The following MKI67 variants were observed in gnomAD, a reference collection of about 807,000 sequenced individuals.
The protein encoded by MKI67 is proliferation marker protein Ki-67.
MKI67 carries 152 observed loss-of-function variants against 233.5 expected under a neutral mutation model. The observed-to-expected ratio is 0.65, with a 90% confidence interval of 0.57 to 0.74. The LOEUF is 0.74. MKI67 is among the 30% of genes least tolerant of loss of function. The pLI is 0.00. For missense variants in MKI67, 3,940 were observed against 3,885.2 expected (o/e 1.01, Z -0.37); for synonymous variants, 1,465 against 1,418.5 (o/e 1.03, Z -0.74).
chr10:128,124,217 C>T (rs962836096), intron 2 of MKI67, among the ~76,000 whole-genome samples: 1 of 152,190 alleles, frequency 6.6e-6, no homozygotes, highest in Non-Finnish European at 1.5e-5. Context: ...GCTTCCTTAA[C>T]CCCAATAAAA....
In MKI67 at chr10:128,104,676, G is replaced by T; in HGVS notation, c.7164C>A (p.Asp2388Glu). ...CATCACTTACTGCTGGTTTTGGTGT[G>T]TCCATGGCTTTGCCTGCTGATGGTG... is the stretch of plus-strand genomic sequence containing the variant. ...KRTPSAGKAM[D>E]TPKPAVSDEK... Residue 2388 changes from aspartate (D) to glutamate (E), a missense_variant, in exon 13 of 15, where the codon GAC (aspartate) becomes GAA (glutamate). Asp to Glu is a conservative substitution (Grantham distance 45). Transcript: ENST00000368654. The T allele has an allele frequency of 6.2e-7, 1 of 1,613,994 alleles. No homozygotes were observed. Among genetic ancestry groups the T allele is most frequent in the African/African-American group, 1.3e-5 (1 of 74,960 alleles).
At position 128,112,164 on chromosome 10, in the gene MKI67, T is replaced by C; in HGVS notation, c.1938A>G (p.Arg646=). The change falls in exon 9 of 15, where the codon AGA becomes AGG. Residue 646 remains arginine (R), a synonymous_variant. Transcript: ENST00000368654. Reference sequence around the variant, plus strand: ...GATTTGCTTCCGAAGCACCACTTCTTCTTTTGGAACATATCATCTGTAAAA... The same window carrying C: ...GATTTGCTTCCGAAGCACCACTTCTCCTTTTGGAACATATCATCTGTAAAA... ...HDILQMICSK[R]RSGASEANLI... is the part of the protein sequence containing the mutation. 6.2e-7 allele frequency: 1 copy of C among 1,614,052 alleles called. No homozygotes were observed.
chr10:128,119,106 C>A, intron 5 of MKI67, 147 bp downstream of exon 5: 1 of 647,988 alleles, frequency 1.5e-6, no homozygotes, highest in Non-Finnish European at 2.7e-6. Flanking sequence ...CTAAGTTCAA[C>A]TCGTTTTTAT....
chr10:128,110,459 T>C lies in MKI67; in HGVS notation c.2335A>G (p.Asn779Asp), dbSNP rs1852647014. The change falls in exon 12 of 15, where the codon AAT (asparagine) becomes GAT (aspartate). Residue 779 changes from asparagine to aspartate, a missense_variant. By Grantham distance (23) the Asn-to-Asp change is conservative (BLOSUM62 1). Coordinates refer to ENST00000368654, the MANE Select transcript of MKI67 (RefSeq NM_002417.5). ...TGTTTTCCAAGCAAATTCTCTGAAT[T>C]TGAAATAGCGATGTGACATGTGCTT... is the stretch of plus-strand genomic sequence containing the variant. ...LTSTCHIAIS[N>D]SENLLGKQFQ... 6.3e-7 allele frequency: 1 copy of C among 1,589,996 alleles called. No individual in the cohort carries two copies. Among genetic ancestry groups the C allele is most frequent in the Non-Finnish European group, 8.6e-7 (1 of 1,160,598 alleles).
rs1334403760 is a variant in MKI67 at position 128,102,664 on chromosome 10, A to G, written c.9176T>C (p.Ile3059Thr). The change falls in exon 13 of 15, where the codon ATT becomes ACT. Residue 3059 changes from isoleucine to threonine, a missense_variant. Ile to Thr is a moderately conservative substitution (Grantham distance 89). Transcript: ENST00000368654. ...KRSLRTSAKRIEPAEELNSND... is the reference protein window; with the variant it reads ...KRSLRTSAKRTEPAEELNSND... ...GCTGTTCAGCTCTTCCGCAGGTTCA[A>G]TTCTTTTTGCAGAAGTCCTCAAACT... is the stretch of plus-strand genomic sequence containing the variant. 2.5e-6 allele frequency: 4 copies of G among 1,614,004 alleles called. No homozygotes were observed. The highest frequency in any genetic ancestry group is 3.4e-6 in the Non-Finnish European group (4 of 1,180,036).
intron 7 of MKI67, among the ~76,000 whole-genome samples, chr10:128,114,446 T>A (rs1189590081): frequency 1.1e-4 from 17 of 152,168 alleles, no homozygotes; most frequent in African/African-American, 4.1e-4. Flanking sequence ...ATGGGTACAG[T>A]CCAGTGTTTA....
chr10:128,112,707 C>T (rs1391265788), intron 8 of MKI67, among the ~76,000 whole-genome samples: 1 of 152,172 alleles, frequency 6.6e-6, no homozygotes. Flanking sequence ...GAAAGACAAG[C>T]AGGGTCTGAT....
chr10:128,114,731 A>T (rs759670000), intron 7 of MKI67, among the ~76,000 whole-genome samples, 197 bp downstream of exon 7: 3 of 152,172 alleles, frequency 2.0e-5, no homozygotes, highest in Non-Finnish European at 4.4e-5. Context: ...CTCTTCTGTC[A>T]TTCCTTGTTA....
chr10:128,102,654 C>T lies in MKI67; in HGVS notation c.9186G>A (p.Ala3062=), dbSNP rs201914667. ...LRTSAKRIEP[A]EELNSNDMKT... ...TCATGTCGTTGCTGTTCAGCTCTTC[C>T]GCAGGTTCAATTCTTTTTGCAGAAG... Residue 3062 remains alanine, a synonymous_variant, in exon 13 of 15, where the codon GCG becomes GCA. Transcript: ENST00000368654. The T allele has an allele frequency of 2.0e-5, 33 of 1,614,154 alleles. No homozygotes were observed. The Admixed American group carries it at 2.5e-4, about 12-fold the overall frequency.
chr10:128,112,341 T>C lies in MKI67; in HGVS notation c.1761A>G (p.Lys587=). Residue 587 remains lysine (K), a synonymous_variant, in exon 9 of 15, where the codon AAA becomes AAG. Coordinates refer to ENST00000368654, the MANE Select transcript of MKI67 (RefSeq NM_002417.5). ...VISPPAPSPR[K]TPVASDQRRR... Reference sequence around the variant, plus strand: ...GGCGTTGATCACTGGCAACTGGAGTTTTCCTAGGACTAGGAGCTGGAGGGC... The same window carrying C: ...GGCGTTGATCACTGGCAACTGGAGTCTTCCTAGGACTAGGAGCTGGAGGGC... The C allele has an allele frequency of 6.2e-7, 1 of 1,614,204 alleles. No homozygotes were observed. The highest frequency in any genetic ancestry group is 1.3e-5 in the African/African-American group (1 of 75,044).
At chr10:128,116,082 T>G (rs968042414) in intron 6 of MKI67, 75 bp from the exon 7 acceptor site, 23 of 1,473,602 alleles carry the variant, frequency 1.6e-5, no homozygotes, top group Non-Finnish European at 1.8e-5. Context: ...GAATTCAATA[T>G]TTTAATTGTT....
In MKI67 at chr10:128,106,294, G is replaced by A. The variant is rs751636310; in HGVS notation, c.5546C>T (p.Thr1849Ile). The change falls in exon 13 of 15, where the codon ACT becomes ATT. Residue 1849 changes from threonine (T) to isoleucine (I), a missense_variant. By Grantham distance (89) the Thr-to-Ile change is moderately conservative. Coordinates refer to ENST00000368654, the MANE Select transcript of MKI67 (RefSeq NM_002417.5). ...TATTTTTTTGGTAGTTTTCTCATCA[G>A]TCGTGGGGTTATCAGTGCATGGTGT... The part of the protein sequence containing the change: ...FQTPCTDNPT[T>I]DEKTTKKILC... 1 of 1,613,606 alleles carries A rather than the reference G, an allele frequency of 6.2e-7. No homozygotes were observed.
Position 128,115,910 on chromosome 10 carries a change from A to T in MKI67, c.498T>A (p.Ser166Arg). The change falls in exon 7 of 15, where the codon AGT becomes AGA. Residue 166 changes from serine (S) to arginine (R), a missense_variant. Coordinates refer to ENST00000368654, the MANE Select transcript of MKI67 (RefSeq NM_002417.5). ...CACTGTCTTTTGAGTCATCTGCGGTACTGTCTTCTTTGACATTCTTGATAT... is the reference window on the plus strand; with the variant it reads ...CACTGTCTTTTGAGTCATCTGCGGTTCTGTCTTCTTTGACATTCTTGATAT... ...QVHIKNVKEDSTADDSKDSVA... is the reference protein window; with the variant it reads ...QVHIKNVKEDRTADDSKDSVA... 3 of 1,610,950 alleles carry T rather than the reference A, an allele frequency of 1.9e-6. No homozygotes were observed. The East Asian group carries it at 6.7e-5, about 36-fold the overall frequency.
In MKI67 at chr10:128,107,259, G is replaced by A. The variant is rs61729205; in HGVS notation, c.4581C>T (p.Leu1527=). The A allele has an allele frequency of 2.3e-3, 3,779 of 1,614,092 alleles. 83 individuals carry two copies. The African/African-American group carries it at 0.044, about 19-fold the overall frequency. Reference sequence around the variant, plus strand: ...TGCCTGCTGATGGTGTTCGTTTCCTGAGTGCGAAGAATTCTTCTTCTACGT... The same window carrying A: ...TGCCTGCTGATGGTGTTCGTTTCCTAAGTGCGAAGAATTCTTCTTCTACGT... ...KVDVEEEFFA[L]RKRTPSAGKA... is the part of the protein sequence containing the mutation. Residue 1527 remains leucine, a synonymous_variant, in exon 13 of 15, where the codon CTC becomes CTT. Coordinates refer to ENST00000368654, the MANE Select transcript of MKI67 (RefSeq NM_002417.5).
Position 128,109,164 on chromosome 10 carries a change from C to T in MKI67, c.2676G>A (p.Lys892=). 1 of 1,614,180 alleles carries T rather than the reference C, an allele frequency of 6.2e-7. No homozygotes were observed. The highest frequency in any genetic ancestry group is 1.1e-5 in the South Asian group (1 of 91,086). ...RNIQKLPVES[K]SEETNTEIVE... ...CAATTTCTGTATTTGTTTCTTCACTCTTACTTTCCACAGGTAGCTTCTGTA... is the reference window on the plus strand; with the variant it reads ...CAATTTCTGTATTTGTTTCTTCACTTTTACTTTCCACAGGTAGCTTCTGTA... Residue 892 remains lysine (K), a synonymous_variant, in exon 13 of 15, where the codon AAG becomes AAA. Transcript: ENST00000368654.
chr10:128,112,268 C>G lies in MKI67; in HGVS notation c.1834G>C (p.Glu612Gln). The change falls in exon 9 of 15, where the codon GAG becomes CAG. Residue 612 changes from glutamate to glutamine, a missense_variant. By Grantham distance (29) the Glu-to-Gln change is conservative (BLOSUM62 2). Coordinates refer to ENST00000368654, the MANE Select transcript of MKI67 (RefSeq NM_002417.5). ...TTTCTCCCTCCTCTCTTAGGAACCT[C>G]TGTCTGAGATTTGCTGCTGGAAGCA... ...APASSSKSQTEVPKRGGRKSG... is the reference protein window; with the variant it reads ...APASSSKSQTQVPKRGGRKSG... 6.2e-7 allele frequency: 1 copy of G among 1,614,242 alleles called. No homozygotes were observed. The highest frequency in any genetic ancestry group is 8.5e-7 in the Non-Finnish European group (1 of 1,180,052).
At position 128,097,321 on chromosome 10, in the gene MKI67, T is replaced by C. The variant is rs1852231800; in HGVS notation, c.*1869A>G. ...GAGGGTTGTGTAGAAGTGGTGTTCA[T>C]CTATTAAACACGGGGGTAGCCCTTA... On this transcript the variant is annotated 3_prime_UTR_variant, in exon 15 of 15. Transcript: ENST00000368654. 1 of 152,074 alleles carries C rather than the reference T, an allele frequency of 6.6e-6. No homozygotes were observed. Among genetic ancestry groups the C allele is most frequent in the Non-Finnish European group, 1.5e-5 (1 of 68,012 alleles). The allele number at this position is 152,074 out of a possible 1,614,324, so 9.4% of individuals were successfully genotyped here.
chr10:128,108,704 G>A lies in MKI67; in HGVS notation c.3136C>T (p.Arg1046Trp), dbSNP rs966446581. ...EELLAVGKFT[R>W]TSGETTHTHR... ...GTGTGCGTGGTCTCCCCTGACGTCC[G>A]TGTGAACTTGCCGACTGCTAGGAGC... The change falls in exon 13 of 15, where the codon CGG becomes TGG. Residue 1046 changes from arginine to tryptophan, a missense_variant. Transcript: ENST00000368654. 1.1e-5 allele frequency: 17 copies of A among 1,614,178 alleles called. No homozygotes were observed. Among genetic ancestry groups the A allele is most frequent in the African/African-American group, 5.3e-5 (4 of 75,044 alleles).
In MKI67 at chr10:128,105,535, G is replaced by C. The variant is rs930169290; in HGVS notation, c.6305C>G (p.Ala2102Gly). The change falls in exon 13 of 15, where the codon GCC becomes GGC. Residue 2102 changes from alanine (A) to glycine (G), a missense_variant. Ala to Gly is a moderately conservative substitution (Grantham distance 60). Transcript: ENST00000368654. ...STTDDKTTKIACKSPPPESMD... is the reference protein window; with the variant it reads ...STTDDKTTKIGCKSPPPESMD... ...TGATTCTGGTGGTGGAGATTTGCAG[G>C]CTATTTTGGTAGTTTTGTCATCAGT... is the stretch of plus-strand genomic sequence containing the variant. 1.2e-6 allele frequency: 2 copies of C among 1,613,860 alleles called. No individual in the cohort carries two copies. The highest frequency in any genetic ancestry group is 1.7e-6 in the Non-Finnish European group (2 of 1,180,006).
Sources: allele counts gnomAD v4.1 joint callset (sites outside exome capture counted in the v4.1 genomes callset), GRCh38; gene constraint gnomAD v4.1.1; transcripts MANE v1.5; gene names NCBI Gene and HGNC (gene_info 2026-07-23, HGNC 2026-07-21).